TARS3: variants seen among roughly 807,000 people sequenced by gnomAD.
The protein encoded by TARS3 is threonyl-tRNA synthetase 3.
TARS3 carries 94 observed loss-of-function variants against 103.5 expected under a neutral mutation model. That is an observed-to-expected ratio of 0.91 (90% CI 0.77 to 1.08). TARS3 has a LOEUF of 1.08. TARS3 is among the 50% of genes least tolerant of loss of function. The pLI is 0.00. For missense variants in TARS3, 952 were observed against 995.2 expected, an observed-to-expected ratio of 0.96 and a Z score of 0.58; for synonymous variants, 416 against 355.4, an observed-to-expected ratio of 1.17 and a Z score of -1.92.
intron 10 of TARS3, among the ~76,000 whole-genome samples, chr15:101,696,210 C>CAAAAAAAA (rs57512244): frequency 1.2e-5 from 1 of 81,766 alleles, no homozygotes; most frequent in African/African-American, 4.4e-5. Flanking sequence ...GACTTTGTCT[C>CAAAAAAAA]AAAAAAAAAA....
chr15:101,676,602 G>A (rs1255498225), intron 12 of TARS3, among the ~76,000 whole-genome samples: 3 of 152,138 alleles, frequency 2.0e-5, no homozygotes, highest in African/African-American at 4.8e-5. Flanking sequence ...GGGTTCAAGC[G>A]GTTCTCATGC....
chr15:101,701,777 C>T lies in TARS3; in HGVS notation c.1221+462G>A, dbSNP rs1451654087. Among the ~76,000 whole-genome samples, 5 of 152,172 alleles carry T rather than the reference C, an allele frequency of 3.3e-5. No individual in the cohort carries two copies. The South Asian group carries it at 8.3e-4, about 25-fold the overall frequency. The stretch of plus-strand genomic sequence containing the variant: ...TATAAAGTGCACAGAATGTAAAAAA[C>T]AACTCTTTTTTTTTTTGAGACTGAG... On this transcript the variant is annotated intron_variant, in intron 9 of 18. Transcript: ENST00000335968.
chr15:101,675,589 G>T lies in TARS3; in HGVS notation c.1788+11C>A. The T allele has an allele frequency of 1.2e-6, 2 of 1,610,240 alleles. No homozygotes were observed. Among genetic ancestry groups the T allele is most frequent in the Admixed American group, 1.7e-5 (1 of 59,328 alleles). ...CTAAAATGAAGAGGAAGCACAAGGT[G>T]TGTCTCTTACCTTCTCAGCCTCATT... On this transcript the variant is annotated intron_variant, in intron 13 of 18. Coordinates refer to ENST00000335968, the MANE Select transcript of TARS3 (RefSeq NM_152334.3).
intron 10 of TARS3, among the ~76,000 whole-genome samples, chr15:101,689,685 T>C (rs1447896875): frequency 6.6e-6 from 1 of 152,202 alleles, no homozygotes; most frequent in African/African-American, 2.4e-5. Context: ...CAAGGAAGGA[T>C]TCCCCCATGG....
intron 5 of TARS3, 106 bp downstream of exon 5, chr15:101,711,774 C>T: frequency 7.5e-7 from 1 of 1,335,024 alleles, no homozygotes; most frequent in Non-Finnish European, 1.0e-6. Context: ...CCTAACCCCA[C>T]ATTATGTAAG....
At chr15:101,689,741 C>T (rs989739551) in intron 10 of TARS3, among the ~76,000 whole-genome samples, 1 of 152,214 alleles carries the variant, frequency 6.6e-6, no homozygotes, top group Non-Finnish European at 1.5e-5. Flanking sequence ...TTTCACACTT[C>T]TGGCCTCCAA....
chr15:101,702,434 A>C, intron 8 of TARS3, 49 bp from the exon 9 acceptor site: 1 of 1,470,738 alleles, frequency 6.8e-7, no homozygotes, highest in Non-Finnish European at 9.5e-7. Flanking sequence ...TTCAGTTGTA[A>C]GTAAAACTGC....
intron 12 of TARS3, among the ~76,000 whole-genome samples, chr15:101,683,223 A>C (rs1381441473): frequency 6.6e-6 from 1 of 152,044 alleles, no homozygotes; most frequent in South Asian, 2.1e-4. Flanking sequence ...TTCTTTTCTA[A>C]TGCAGGTATT....
chr15:101,666,790 G>A (rs1376715485), intron 15 of TARS3, among the ~76,000 whole-genome samples: 1 of 152,114 alleles, frequency 6.6e-6, no homozygotes, highest in Non-Finnish European at 1.5e-5. Flanking sequence ...GGAACATCAG[G>A]AATGAAACAA....
chr15:101,666,938 T>C (rs1897602321), intron 15 of TARS3, among the ~76,000 whole-genome samples: 1 of 152,232 alleles, frequency 6.6e-6, no homozygotes, highest in Non-Finnish European at 1.5e-5. Context: ...TAGTGTGTAG[T>C]ATGCCTTCCA....
chr15:101,696,471 G>A (rs11852586), intron 10 of TARS3, among the ~76,000 whole-genome samples: 66,484 of 151,910 alleles, frequency 0.44, 16,219 homozygotes, highest in East Asian at 0.94. Context: ...CCACCCACAG[G>A]AGCCTAAAAT....
At chr15:101,679,046 T>C (rs529472115) in intron 12 of TARS3, among the ~76,000 whole-genome samples, 7 of 152,334 alleles carry the variant, frequency 4.6e-5, no homozygotes, top group African/African-American at 1.7e-4. Flanking sequence ...TTAAAGGTAA[T>C]GCATAATTTC....
At position 101,723,252 on chromosome 15, in the gene TARS3, G is replaced by A; in HGVS notation, c.298-88C>T. ...AGAGTCATGCCAGCAGGCTGCAAGT[G>A]CCCCGTGTTTAGAGGCTCATAGCTG... On this transcript the variant is annotated intron_variant, in intron 1 of 18. Transcript: ENST00000335968. 3.2e-6 allele frequency: 4 copies of A among 1,238,364 alleles called. No homozygotes were observed. The South Asian group carries it at 3.7e-5, about 11-fold the overall frequency. The allele number at this position is 1,238,364 out of a possible 1,614,324, so 76.7% of individuals were successfully genotyped here. A position where few individuals can be genotyped will look rare whatever the true frequency, so the allele number is the denominator to read the frequency against.
chr15:101,675,785 T>A (rs769033335), intron 12 of TARS3, 48 bp from the exon 13 acceptor site: 4 of 1,557,278 alleles, frequency 2.6e-6, no homozygotes, highest in Non-Finnish European at 3.5e-6. Context: ...CAAATTCATT[T>A]ATGTTTTAAA....
At chr15:101,690,424 C>T (rs1260514327) in intron 10 of TARS3, among the ~76,000 whole-genome samples, 1 of 152,164 alleles carries the variant, frequency 6.6e-6, no homozygotes, top group Non-Finnish European at 1.5e-5. Context: ...TCTCATTCCA[C>T]CCTTTACTGC....
intron 4 of TARS3, among the ~76,000 whole-genome samples, chr15:101,713,687 A>G (rs576208609): frequency 6.6e-6 from 1 of 152,336 alleles, no homozygotes. Flanking sequence ...GCACTGACTT[A>G]GGCAAACAGG....
In TARS3 at chr15:101,714,846, A is replaced by T; in HGVS notation, c.684T>A (p.Ala228=). The T allele has an allele frequency of 6.2e-7, 1 of 1,604,476 alleles. No homozygotes were observed. Among genetic ancestry groups the T allele is most frequent in the Non-Finnish European group, 8.5e-7 (1 of 1,174,588 alleles). ...LELLTFDNEE[A]QAVYWHSSAH... is the part of the protein sequence containing the mutation. ...CTGGTTTTTAAATACTCACAGCTTG[A>T]GCTTCCTCATTATCAAATGTAAGCA... The change falls in exon 4 of 19, where the codon GCT becomes GCA. Residue 228 remains alanine, a synonymous_variant. Coordinates refer to ENST00000335968, the MANE Select transcript of TARS3 (RefSeq NM_152334.3).
intron 2 of TARS3, 35 bp from the exon 3 acceptor site, chr15:101,721,357 T>C (rs773301205): frequency 2.6e-6 from 4 of 1,534,688 alleles, no homozygotes; most frequent in South Asian, 1.2e-5. Flanking sequence ...GATTAATATA[T>C]ACAGCCTACT....
At position 101,703,882 on chromosome 15, in the gene TARS3, T is replaced by A. The variant is rs143280811; in HGVS notation, c.1051A>T (p.Ile351Phe). The A allele has an allele frequency of 6.2e-7, 1 of 1,612,962 alleles. No individual in the cohort carries two copies. Among genetic ancestry groups the A allele is most frequent in the African/African-American group, 1.3e-5 (1 of 75,012 alleles). ...ACCTTAAAAATTTTGATGGTTTTAA[T>A]TTTTCCAGTGTGTCTTACATGTGGA... ...KGPHVRHTGK[I>F]KTIKIFKNSS... Residue 351 changes from isoleucine to phenylalanine, a missense_variant, in exon 8 of 19, where the codon ATT (isoleucine) becomes TTT (phenylalanine). Transcript: ENST00000335968.
Sources: gnomAD v4.1 joint callset for allele counts (sites outside exome capture counted in the v4.1 genomes callset) on GRCh38, gnomAD v4.1.1 for gene constraint, MANE v1.5 for transcripts, NCBI Gene and HGNC (gene_info 2026-07-23, HGNC 2026-07-21) for gene names.